MTUS1: variants seen among roughly 807,000 people sequenced by gnomAD.
The protein encoded by MTUS1 is microtubule-associated tumor suppressor 1.
A neutral mutation model predicts 120.8 loss-of-function variants in MTUS1; 109 were observed. That is an observed-to-expected ratio of 0.90 (90% CI 0.77 to 1.06). The LOEUF (loss-of-function observed/expected upper bound fraction) is 1.06. Ranked by LOEUF, MTUS1 falls within the 50% of genes least tolerant of loss-of-function variation. The pLI is 0.00. For missense variants in MTUS1, 2,210 were observed against 1,486.3 expected, an observed-to-expected ratio of 1.49 and a Z score of -8.01; for synonymous variants, 737 against 550.5, an observed-to-expected ratio of 1.34 and a Z score of -4.74.
chr8:17,751,862 TAAAAAAA>T (rs56362055), intron 2 of MTUS1, among the ~76,000 whole-genome samples: 266 of 96,536 alleles, frequency 2.8e-3, no homozygotes, highest in Non-Finnish European at 4.2e-3. Context: ...GACTCTGCCT[TAAAAAAA>T]AAAAAAAAAA....
chr8:17,650,632 C>G (rs1234017534), intron 12 of MTUS1, among the ~76,000 whole-genome samples: 1 of 152,110 alleles, frequency 6.6e-6, no homozygotes, highest in African/African-American at 2.4e-5. Context: ...ATCAACTGAG[C>G]CAGGAGGTCA....
chr8:17,749,659 CAAAAAAAAA>C (rs768210060), intron 2 of MTUS1, among the ~76,000 whole-genome samples: 2 of 76,416 alleles, frequency 2.6e-5, no homozygotes, highest in Non-Finnish European at 5.3e-5. Context: ...GAATCTGTCT[CAAAAAAAAA>C]AAAAAAAAAA....
At chr8:17,800,859 G>A (rs1203353946) in intron 1 of MTUS1, 2 of 152,582 alleles carry the variant, frequency 1.3e-5, no homozygotes, top group Non-Finnish European at 2.9e-5. Context: ...CCCTTCCGCA[G>A]GCTCTGCGCT....
intron 3 of MTUS1, among the ~76,000 whole-genome samples, chr8:17,728,160 G>A (rs1001861037): frequency 1.3e-5 from 2 of 152,164 alleles, no homozygotes; most frequent in Non-Finnish European, 2.9e-5. Flanking sequence ...GGGAAATGGG[G>A]AGTTGTTCAA....
In MTUS1 at chr8:17,645,910, G is replaced by A; in HGVS notation, c.*16C>T. On this transcript the variant is annotated 3_prime_UTR_variant, in exon 15 of 15. Transcript: ENST00000693296. ...ATCAAAATGCTTTCAGAGAGTCTGT[G>A]GACTTTGGGGAGGTGTCATCTGGGT... 3 of 1,605,732 alleles carry A rather than the reference G, an allele frequency of 1.9e-6. No homozygotes were observed. The highest frequency in any genetic ancestry group is 2.5e-6 in the Non-Finnish European group (3 of 1,177,158).
At position 17,655,901 on chromosome 8, in the gene MTUS1, C is replaced by T; in HGVS notation, c.3070G>A (p.Glu1024Lys). Reference protein sequence around the residue: ...EYEKLRDTYIEEAEKYKMQLQ... With the variant: ...EYEKLRDTYIKEAEKYKMQLQ... The stretch of plus-strand genomic sequence containing the variant: ...TGCATTTTGTACTTCTCTGCTTCTT[C>T]AATGTAAGTGTCCCGAAGCTTTTCA... The change falls in exon 9 of 15, where the codon GAA becomes AAA. Residue 1024 changes from glutamate (E) to lysine (K), a missense_variant. Transcript: ENST00000693296. The T allele has an allele frequency of 1.9e-6, 3 of 1,614,218 alleles. No individual in the cohort carries two copies. The highest frequency in any genetic ancestry group is 2.5e-6 in the Non-Finnish European group (3 of 1,180,050).
At chr8:17,801,500 G>C (rs1302058224), upstream of MTUS1, 2 of 152,070 alleles carry the variant, frequency 1.3e-5, no homozygotes, top group Non-Finnish European at 2.9e-5. Context: ...CCCGCTCTCC[G>C]CTCCCGCTCT....
rs573353924 is a variant in MTUS1 at position 17,743,062 on chromosome 8, G to C, written c.2287+542C>G. On this transcript the variant is annotated intron_variant, in intron 3 of 14. Transcript: ENST00000693296. ...AGTATGATACTTAATAGCTATTCTTGAGGCGCTCACATTTCATTGGCCTAA... is the reference window on the plus strand; with the variant it reads ...AGTATGATACTTAATAGCTATTCTTCAGGCGCTCACATTTCATTGGCCTAA... Among the ~76,000 whole-genome samples, 27 of 150,906 alleles carry C rather than the reference G, an allele frequency of 1.8e-4. No homozygotes were observed. The South Asian group carries it at 4.8e-3, about 27-fold the overall frequency.
chr8:17,708,036 C>T (rs556670636), intron 6 of MTUS1, among the ~76,000 whole-genome samples: 23 of 152,224 alleles, frequency 1.5e-4, no homozygotes, highest in Middle Eastern at 3.4e-3. Context: ...ATCTTCACAA[C>T]CTTGGATTAG....
chr8:17,645,690 G>A lies in MTUS1; in HGVS notation c.*236C>T, dbSNP rs1283126729. 8.6e-5 allele frequency: 41 copies of A among 477,050 alleles called. 1 individual carries two copies. In the East Asian group the frequency reaches 1.5e-3, roughly 17 times the overall value. 29.6% of individuals were successfully genotyped at this position (477,050 alleles called of 1,614,324 possible). On this transcript the variant is annotated 3_prime_UTR_variant, in exon 15 of 15. Transcript: ENST00000693296. ...TGCTTTGTGCAACAACGTCCGTGTC[G>A]ATGCCGAAATCTTTTTTTAAATCTT...
intron 1 of MTUS1, among the ~76,000 whole-genome samples, chr8:17,758,954 T>G (rs1041959218): frequency 6.6e-6 from 1 of 152,240 alleles, no homozygotes; most frequent in Non-Finnish European, 1.5e-5. Flanking sequence ...CGATCTCGGC[T>G]CACTGCAACG....
intron 1 of MTUS1, among the ~76,000 whole-genome samples, chr8:17,769,638 G>A (rs1444173497): frequency 2.6e-5 from 4 of 151,886 alleles, no homozygotes; most frequent in Non-Finnish European, 5.9e-5. Flanking sequence ...TGAGCCACCC[G>A]CGCCCGGCCC....
chr8:17,647,988 G>A (rs71526143), intron 13 of MTUS1, among the ~76,000 whole-genome samples: 6,811 of 152,264 alleles, frequency 0.045, 205 homozygotes, highest in Middle Eastern at 0.14. Flanking sequence ...ACCTGTTCAG[G>A]TTAAATCACT....
intron 1 of MTUS1, among the ~76,000 whole-genome samples, chr8:17,760,073 TA>T (rs1431996178): frequency 2.8e-5 from 4 of 145,404 alleles, no homozygotes; most frequent in Non-Finnish European, 4.6e-5. Flanking sequence ...TTTTTTTTTT[TA>T]GCACGGTGGT....
intron 4 of MTUS1, among the ~76,000 whole-genome samples, chr8:17,720,212 G>A (rs368101019): frequency 6.6e-6 from 1 of 152,044 alleles, no homozygotes; most frequent in Non-Finnish European, 1.5e-5. Context: ...GGGCATGATG[G>A]GGCATGCCTA....
chr8:17,701,240 C>T (rs1287559683), intron 6 of MTUS1, among the ~76,000 whole-genome samples: 1 of 152,140 alleles, frequency 6.6e-6, no homozygotes, highest in Admixed American at 6.5e-5. Context: ...CTTCATTTTA[C>T]TCCTCACAGT....
rs759396938 is a variant in MTUS1 at position 17,646,117 on chromosome 8, C to T, written c.3622G>A (p.Val1208Ile). ...ISRQLSTEQA[V>I]LQESLEKESK... Reference sequence around the variant, plus strand: ...TCCTTCTCCAGCGACTCTTGCAGAACAGCCTGCTCCGTGGAAAGCTGCCTT... The same window carrying T: ...TCCTTCTCCAGCGACTCTTGCAGAATAGCCTGCTCCGTGGAAAGCTGCCTT... The change falls in exon 15 of 15, where the codon GTT (valine) becomes ATT (isoleucine). Residue 1208 changes from valine to isoleucine, a missense_variant. Physicochemically the swap from Val to Ile is conservative, Grantham distance 29. Transcript: ENST00000693296. 1.4e-5 allele frequency: 22 copies of T among 1,611,772 alleles called. No homozygotes were observed. The highest frequency in any genetic ancestry group is 1.7e-4 in the Middle Eastern group (1 of 5,984).
At chr8:17,669,487 G>C (rs1364609111) in intron 8 of MTUS1, among the ~76,000 whole-genome samples, 1 of 152,126 alleles carries the variant, frequency 6.6e-6, no homozygotes, top group Non-Finnish European at 1.5e-5. Context: ...ATCATAAATG[G>C]TGTGCTTAGT....
At chr8:17,707,763 C>A (rs1046640803) in intron 6 of MTUS1, among the ~76,000 whole-genome samples, 18 of 152,164 alleles carry the variant, frequency 1.2e-4, no homozygotes, top group Non-Finnish European at 1.6e-4. Context: ...CAGTGTAGCA[C>A]TGGCAAAGGT....
Sources: gnomAD v4.1 joint callset for allele counts (sites outside exome capture counted in the v4.1 genomes callset) on GRCh38, gnomAD v4.1.1 for gene constraint, MANE v1.5 for transcripts, NCBI Gene and HGNC (gene_info 2026-07-23, HGNC 2026-07-21) for gene names.